The following MROH9 variants were observed in gnomAD, a reference collection of about 807,000 sequenced individuals.
MROH9 encodes the protein maestro heat like repeat family member 9, also known as maestro heat-like repeat-containing protein family member 9.
In MROH9, 92 loss-of-function variants were observed where a neutral mutation model predicts 98.2. The observed-to-expected ratio is 0.94, with a 90% confidence interval of 0.79 to 1.11. The LOEUF is 1.11. Ranked by LOEUF, MROH9 falls within the 50% of genes most tolerant of loss-of-function variation. The probability of loss-of-function intolerance (pLI) is 0.00; values close to 1 mark genes in which losing one functional copy is unlikely to be tolerated. For missense variants in MROH9, 1,057 were observed against 1,014.8 expected, an observed-to-expected ratio of 1.04 and a Z score of -0.57; for synonymous variants, 397 against 368.9, an observed-to-expected ratio of 1.08 and a Z score of -0.87.
intron 9 of MROH9, among the ~76,000 whole-genome samples, chr1:170,983,942 G>T (rs140597994): frequency 6.6e-5 from 10 of 152,212 alleles, no homozygotes; most frequent in African/African-American, 2.4e-4. Context: ...CTGTGATTTT[G>T]ATTTTGTTTA....
At chr1:171,058,793 T>G (rs986822766) in intron 20 of MROH9, among the ~76,000 whole-genome samples, 2 of 152,216 alleles carry the variant, frequency 1.3e-5, no homozygotes, top group African/African-American at 4.8e-5. Context: ...GCTAGCCATA[T>G]GCAGAAAACT....
chr1:171,019,273 C>T (rs1453331574), intron 17 of MROH9, among the ~76,000 whole-genome samples: 1 of 152,142 alleles, frequency 6.6e-6, no homozygotes, highest in South Asian at 2.1e-4. Flanking sequence ...CCAGTAAGAA[C>T]AAAGAGACTA....
chr1:171,013,007 C>T (rs1652211698), intron 15 of MROH9, among the ~76,000 whole-genome samples: 1 of 151,954 alleles, frequency 6.6e-6, no homozygotes, highest in African/African-American at 2.4e-5. Flanking sequence ...GTTCCCTCTC[C>T]CCTCCTCTCT....
intron 20 of MROH9, among the ~76,000 whole-genome samples, chr1:171,043,561 T>C (rs1272840537): frequency 6.6e-6 from 1 of 152,104 alleles, no homozygotes; most frequent in African/African-American, 2.4e-5. Flanking sequence ...AATCTGTAGA[T>C]TGCTTTGTGT....
intron 20 of MROH9, among the ~76,000 whole-genome samples, chr1:171,058,070 C>T (rs58186758): frequency 7.6e-4 from 116 of 152,184 alleles, no homozygotes; most frequent in African/African-American, 2.7e-3. Context: ...GCAGATGACA[C>T]GGTTTTATAT....
chr1:170,959,381 A>T (rs934952777), intron 4 of MROH9, 81 bp from the exon 5 acceptor site: 1 of 1,290,432 alleles, frequency 7.7e-7, no homozygotes, highest in Non-Finnish European at 1.0e-6. Flanking sequence ...TCTCAAAATA[A>T]ATAAATAAAT....
chr1:171,024,653 G>C lies in MROH9; in HGVS notation c.2066G>C (p.Cys689Ser). The change falls in exon 19 of 22, where the codon TGT becomes TCT. Residue 689 changes from cysteine to serine, a missense_variant. Physicochemically the swap from Cys to Ser is moderately radical, Grantham distance 112. Coordinates refer to ENST00000367759, the MANE Select transcript of MROH9 (RefSeq NM_001163629.2). ...EDDDKRVAEACKYTLKICTSQ... is the reference protein window; with the variant it reads ...EDDDKRVAEASKYTLKICTSQ... Reference sequence around the variant, plus strand: ...CGGCCTTTTTCTGTCTCACAGGCATGTAAATATACATTAAAAATCTGTACC... The same window carrying C: ...CGGCCTTTTTCTGTCTCACAGGCATCTAAATATACATTAAAAATCTGTACC... 6.5e-7 allele frequency: 1 copy of C among 1,548,778 alleles called. No individual in the cohort carries two copies.
chr1:171,063,250 G>A (rs1057360861), intron 21 of MROH9, among the ~76,000 whole-genome samples: 3 of 121,610 alleles, frequency 2.5e-5, no homozygotes, highest in Non-Finnish European at 4.8e-5. Flanking sequence ...GTATTATCCC[G>A]GATTTTTTTT....
Position 170,971,884 on chromosome 1 carries a change from G to T in MROH9, c.616+1G>T. 6.2e-7 allele frequency: 1 copy of T among 1,613,638 alleles called. No individual in the cohort carries two copies. The highest frequency in any genetic ancestry group is 8.5e-7 in the Non-Finnish European group (1 of 1,179,678). ...CTCTACATTGCACGGTGTCAGAACG[G>T]TAAGAACAGTTCACCATCTTTTCTC... On this transcript the variant is annotated splice_donor_variant, in intron 8 of 21. Coordinates refer to ENST00000367759, the MANE Select transcript of MROH9 (RefSeq NM_001163629.2). LOFTEE classifies it high-confidence loss of function.
At chr1:170,943,294 C>G (rs1228186201) in intron 1 of MROH9, among the ~76,000 whole-genome samples, 1 of 151,744 alleles carries the variant, frequency 6.6e-6, no homozygotes, top group East Asian at 1.9e-4. Context: ...GTTAAAAATA[C>G]TCCAAAAGCA....
At chr1:171,013,434 T>C (rs1652225470) in intron 15 of MROH9, among the ~76,000 whole-genome samples, 1 of 152,120 alleles carries the variant, frequency 6.6e-6, no homozygotes, top group African/African-American at 2.4e-5. Context: ...TCTAAACTAA[T>C]GCCTGATGAT....
chr1:171,049,194 A>C (rs1370731615), intron 20 of MROH9, among the ~76,000 whole-genome samples: 1 of 152,180 alleles, frequency 6.6e-6, no homozygotes, highest in Non-Finnish European at 1.5e-5. Context: ...ACACAGAAGA[A>C]ACACCTTCAT....
chr1:171,058,650 T>C (rs1410657215), intron 20 of MROH9, among the ~76,000 whole-genome samples: 2 of 152,128 alleles, frequency 1.3e-5, no homozygotes, highest in Non-Finnish European at 2.9e-5. Context: ...AACAGACATA[T>C]AGACCAATGG....
chr1:171,062,129 T>A lies in MROH9; in HGVS notation c.2282-3T>A, dbSNP rs919525078. 4 of 1,537,292 alleles carry A rather than the reference T, an allele frequency of 2.6e-6. No homozygotes were observed. The highest frequency in any genetic ancestry group is 3.5e-6 in the Non-Finnish European group (4 of 1,134,256). On this transcript the variant is annotated splice_polypyrimidine_tract_variant and splice_region_variant and intron_variant, in intron 20 of 21. Coordinates refer to ENST00000367759, the MANE Select transcript of MROH9 (RefSeq NM_001163629.2). ...GTAACTTTAATTTTTATTATGTGCATAGGATATTTGGCAAAATCAGGTGGT... is the reference window on the plus strand; with the variant it reads ...GTAACTTTAATTTTTATTATGTGCAAAGGATATTTGGCAAAATCAGGTGGT...
chr1:171,000,168 GC>G (rs1221392584), intron 15 of MROH9, among the ~76,000 whole-genome samples: 1 of 152,058 alleles, frequency 6.6e-6, no homozygotes, highest in African/African-American at 2.4e-5. Flanking sequence ...CTTTTGTCAT[GC>G]AAAAGATCTT....
chr1:171,033,849 AAC>A (rs1314824400), intron 20 of MROH9, among the ~76,000 whole-genome samples: 1 of 152,210 alleles, frequency 6.6e-6, no homozygotes, highest in Admixed American at 6.5e-5. Flanking sequence ...GAAAAACTAC[AAC>A]AGAGCAAAAG....
chr1:170,960,661 C>T (rs928632704), intron 5 of MROH9, among the ~76,000 whole-genome samples: 1 of 152,194 alleles, frequency 6.6e-6, no homozygotes, highest in Non-Finnish European at 1.5e-5. Flanking sequence ...CTTGCTCCTT[C>T]ACCCAAACTA....
intron 17 of MROH9, among the ~76,000 whole-genome samples, chr1:171,019,258 TG>T (rs1652430369): frequency 6.6e-6 from 1 of 152,206 alleles, no homozygotes; most frequent in Non-Finnish European, 1.5e-5. Flanking sequence ...AGAAGTCTTT[TG>T]AAACCAGTAA....
rs1418687116 is a variant in MROH9 at position 171,018,548 on chromosome 1, G to A, written c.1908+2212G>A. On this transcript the variant is annotated intron_variant, in intron 17 of 21. Coordinates refer to ENST00000367759, the MANE Select transcript of MROH9 (RefSeq NM_001163629.2). ...CAGCAAGGACATAGAACTGGACGGAGGATGAGATGGACGAATTGACAGAAG... is the reference window on the plus strand; with the variant it reads ...CAGCAAGGACATAGAACTGGACGGAAGATGAGATGGACGAATTGACAGAAG... Among the ~76,000 whole-genome samples, 3 of 152,192 alleles carry A rather than the reference G, an allele frequency of 2.0e-5. No individual in the cohort carries two copies. The East Asian group carries it at 5.8e-4, about 29-fold the overall frequency.
Sources: allele counts gnomAD v4.1 joint callset (sites outside exome capture counted in the v4.1 genomes callset), GRCh38; gene constraint gnomAD v4.1.1; transcripts MANE v1.5; gene names NCBI Gene and HGNC (gene_info 2026-07-23, HGNC 2026-07-21).